The following SAFB2 variants were observed in gnomAD, a reference collection of about 807,000 sequenced individuals.
SAFB2 encodes the protein scaffold attachment factor B2.
In SAFB2, 32 loss-of-function variants were observed where a neutral mutation model predicts 100.6. That is an observed-to-expected ratio of 0.32 (90% confidence interval 0.24 to 0.43). SAFB2 has a LOEUF of 0.43. Ranked by LOEUF, SAFB2 falls within the 20% of genes least tolerant of loss-of-function variation. The pLI is 1.00. For synonymous variants in SAFB2, 500 were observed against 439.4 expected, an observed-to-expected ratio of 1.14 and a Z score of -1.72; for missense variants, 1,185 against 1,163.4, an observed-to-expected ratio of 1.02 and a Z score of -0.27.
intron 9 of SAFB2, among the ~76,000 whole-genome samples, chr19:5,608,241 C>T (rs541345099): frequency 6.6e-6 from 1 of 152,320 alleles, no homozygotes; most frequent in South Asian, 2.1e-4. Context: ...CTGAAGCTGC[C>T]TCCCAAATCT....
intron 17 of SAFB2, 140 bp downstream of exon 17, chr19:5,591,608 A>G: frequency 1.4e-6 from 1 of 717,136 alleles, no homozygotes; most frequent in Non-Finnish European, 2.4e-6. Context: ...GCTGGCCAGA[A>G]CCCACACTTG....
chr19:5,589,631 A>C (rs898326508), intron 18 of SAFB2, among the ~76,000 whole-genome samples: 1 of 152,112 alleles, frequency 6.6e-6, no homozygotes, highest in Non-Finnish European at 1.5e-5. Context: ...GGCAGGGGTG[A>C]CTGCAGCTGG....
chr19:5,599,115 C>T (rs1359510652), intron 12 of SAFB2, among the ~76,000 whole-genome samples: 1 of 152,150 alleles, frequency 6.6e-6, no homozygotes, highest in African/African-American at 2.4e-5. Flanking sequence ...GACCTGTTCC[C>T]AACCTACAGC....
intron 8 of SAFB2, 60 bp downstream of exon 8, chr19:5,610,579 C>A: frequency 8.1e-7 from 1 of 1,228,344 alleles, no homozygotes; most frequent in South Asian, 1.3e-5. Flanking sequence ...ATCTCCAGGC[C>A]CCTCCTCCCA....
At chr19:5,615,105 A>G (rs1323559691) in intron 4 of SAFB2, among the ~76,000 whole-genome samples, 5 of 152,220 alleles carry the variant, frequency 3.3e-5, no homozygotes. Context: ...CTGTAATCCC[A>G]GCACTTTGGG....
chr19:5,590,859 G>A (rs998776497), intron 17 of SAFB2, among the ~76,000 whole-genome samples: 3 of 152,194 alleles, frequency 2.0e-5, no homozygotes, highest in East Asian at 1.9e-4. Context: ...GGAAGCAGGC[G>A]GGTGCTGCCT....
intron 4 of SAFB2, chr19:5,613,747 T>C: frequency 2.0e-6 from 2 of 985,394 alleles, no homozygotes; most frequent in Non-Finnish European, 2.4e-6. Context: ...TGCAGGTGGG[T>C]ATGCCCTGTC....
In SAFB2 at chr19:5,616,114, T is replaced by A. The variant is rs2053024387; in HGVS notation, c.543+18A>T. Reference sequence around the variant, plus strand: ...TCGGGGCTATGGGCACATCCTGCCGTGTCTCCAAGTTACCTACAGCATGCT... The same window carrying A: ...TCGGGGCTATGGGCACATCCTGCCGAGTCTCCAAGTTACCTACAGCATGCT... On this transcript the variant is annotated intron_variant, in intron 4 of 20. Coordinates refer to ENST00000252542, the MANE Select transcript of SAFB2 (RefSeq NM_014649.3). 1.9e-6 allele frequency: 3 copies of A among 1,612,894 alleles called. No homozygotes were observed. The East Asian group carries it at 6.7e-5, about 36-fold the overall frequency.
rs552109123 is a variant in SAFB2 at position 5,587,418 on chromosome 19, A to G, written c.2706-19T>C. 2 of 1,600,116 alleles carry G rather than the reference A, an allele frequency of 1.2e-6. No individual in the cohort carries two copies. The highest frequency in any genetic ancestry group is 1.7e-6 in the Non-Finnish European group (2 of 1,173,020). On this transcript the variant is annotated intron_variant, in intron 20 of 20. Transcript: ENST00000252542. This position sits in a 1 kb window ranked among gnomAD's most constrained non-coding sequence, Gnocchi z 4.9. ...GCCTCGCCTAGGAACAAAGTCAGAC[A>G]ATTTTTTTCCCCTTGAAGTGCTCAG...
Position 5,594,132 on chromosome 19 carries a change from C to G in SAFB2, c.1966G>C (p.Glu656Gln), listed in dbSNP as rs749963047. ...TGTAGCCGGGCCTTCTCCTTCCGCT[C>G]ATGGAAGGCCTCGAGGCGTTGCTCC... The part of the protein sequence containing the change: ...EREQRLEAFH[E>Q]RKEKARLQRE... Residue 656 changes from glutamate (E) to glutamine (Q), a missense_variant, in exon 15 of 21, where the codon GAG becomes CAG. By Grantham distance (29) the Glu-to-Gln change is conservative. Transcript: ENST00000252542. 10 of 1,602,488 alleles carry G rather than the reference C, an allele frequency of 6.2e-6. No individual in the cohort carries two copies. The South Asian group carries it at 1.1e-4, about 18-fold the overall frequency.
rs2053191214 is a variant in SAFB2 at position 5,622,560 on chromosome 19, G to A, written c.156C>T (p.Asn52=). The change falls in exon 1 of 21, where the codon AAC becomes AAT. Residue 52 remains asparagine (N), a synonymous_variant. Transcript: ENST00000252542. ...TGAGCCGCTCCATCAGGACGCTCTTGTTGCCGCCCGTGTCCAGGTTCCGCT... is the reference window on the plus strand; with the variant it reads ...TGAGCCGCTCCATCAGGACGCTCTTATTGCCGCCCGTGTCCAGGTTCCGCT... ...LKKRNLDTGG[N]KSVLMERLKK... is the part of the protein sequence containing the mutation. The A allele has an allele frequency of 6.2e-7, 1 of 1,613,364 alleles. No homozygotes were observed. Among genetic ancestry groups the A allele is most frequent in the Non-Finnish European group, 8.5e-7 (1 of 1,179,754 alleles).
chr19:5,605,254 G>A (rs1041722612), intron 9 of SAFB2, among the ~76,000 whole-genome samples: 8 of 151,894 alleles, frequency 5.3e-5, no homozygotes, highest in Non-Finnish European at 1.2e-4. Context: ...ACAGGCGCCC[G>A]CCACCACGCC....
intron 6 of SAFB2, 78 bp downstream of exon 6, chr19:5,612,462 A>G: frequency 1.5e-6 from 2 of 1,312,796 alleles, no homozygotes; most frequent in Non-Finnish European, 2.2e-6. Context: ...ATCATAACAC[A>G]GCTTAAAATA....
chr19:5,614,998 G>A (rs1030533309), intron 4 of SAFB2, among the ~76,000 whole-genome samples: 1 of 151,710 alleles, frequency 6.6e-6, no homozygotes, highest in African/African-American at 2.4e-5. Context: ...ATCACTTGAG[G>A]TCAGGAGTTC....
intron 9 of SAFB2, among the ~76,000 whole-genome samples, chr19:5,608,488 G>C (rs2052826313): frequency 6.6e-6 from 1 of 152,198 alleles, no homozygotes; most frequent in African/African-American, 2.4e-5. Context: ...AGCCCTTGCT[G>C]AACACACAGA....
At chr19:5,601,972 C>T (rs2052668218) in intron 11 of SAFB2, among the ~76,000 whole-genome samples, 1 of 152,142 alleles carries the variant, frequency 6.6e-6, no homozygotes, top group Non-Finnish European at 1.5e-5. Context: ...TGTATAAAAA[C>T]CACCACTCAT....
rs1568235122 is a variant in SAFB2, at chr19:5,621,496, C to T, written c.187-100G>A. 3 of 830,002 alleles carry T rather than the reference C, an allele frequency of 3.6e-6. No individual in the cohort carries two copies. In the East Asian group the frequency reaches 7.4e-5, roughly 21 times the overall value. 51.4% of individuals were successfully genotyped at this position (830,002 alleles called of 1,614,324 possible). A position where few individuals can be genotyped will look rare whatever the true frequency, so the allele number is the denominator to read the frequency against. On this transcript the variant is annotated intron_variant, in intron 1 of 20. Coordinates refer to ENST00000252542, the MANE Select transcript of SAFB2 (RefSeq NM_014649.3). ...TCCCATGAAACAAAGGCAAACCCGT[C>T]CTTGCAAAGAGCAACTCCGGGTCAG...
At chr19:5,620,913 C>T (rs780183139) in intron 2 of SAFB2, among the ~76,000 whole-genome samples, 1 of 152,172 alleles carries the variant, frequency 6.6e-6, no homozygotes, top group African/African-American at 2.4e-5. Context: ...CCTAGCAAAG[C>T]TGAGTTCTAT....
At chr19:5,596,210 C>CT (rs894732088) in intron 13 of SAFB2, among the ~76,000 whole-genome samples, 1 of 152,240 alleles carries the variant, frequency 6.6e-6, no homozygotes, top group Admixed American at 6.5e-5. Context: ...TGGCAGTGAG[C>CT]TGAGATTGCG....
Sources: gnomAD v4.1 joint callset for allele counts (sites outside exome capture counted in the v4.1 genomes callset) on GRCh38, gnomAD v4.1.1 for gene constraint, Gnocchi (gnomAD v3.1) non-coding constraint, MANE v1.5 for transcripts, NCBI Gene and HGNC (gene_info 2026-07-23, HGNC 2026-07-21) for gene names.